TNNI3K: variants seen among roughly 807,000 people sequenced by gnomAD.
The protein encoded by TNNI3K is TNNI3 interacting kinase.
In TNNI3K, 140 loss-of-function variants were observed where a neutral mutation model predicts 114.5. The ratio of observed to expected loss-of-function variants is 1.22; its 90% confidence interval spans 1.07 to 1.41. The LOEUF (loss-of-function observed/expected upper bound fraction) is 1.41, where lower values mean the gene tolerates loss of function less well. Among genes scored for constraint, TNNI3K ranks in the 40% most tolerant of loss-of-function variants. The pLI, the probability that TNNI3K is intolerant of heterozygous loss-of-function variation, is 0.00. For missense variants in TNNI3K, 1,125 were observed against 1,007.6 expected (o/e 1.12, Z -1.58); for synonymous variants, 347 against 347.5 (o/e 1.00, Z 0.02).
At position 74,381,668 on chromosome 1, in the gene TNNI3K, T is replaced by C. The variant is rs532589735; in HGVS notation, c.1772+11276T>C. 6.0e-4 allele frequency among the ~76,000 whole-genome samples: 92 copies of C among 152,192 alleles called. 1 individual carries two copies. Among genetic ancestry groups the C allele is most frequent in the Middle Eastern group, 3.4e-3 (1 of 294 alleles). On this transcript the variant is annotated intron_variant, in intron 17 of 24. Coordinates refer to ENST00000326637, the MANE Select transcript of TNNI3K (RefSeq NM_015978.3). ...TGCCTTCATTAAGACCTCTCACTCC[T>C]TCTTGGTTCGAACTTGAATCAGGGA...
intron 17 of TNNI3K, among the ~76,000 whole-genome samples, chr1:74,429,903 G>A (rs112941332): frequency 6.6e-6 from 1 of 152,132 alleles, no homozygotes; most frequent in Non-Finnish European, 1.5e-5. Flanking sequence ...AGCCTGGGAA[G>A]CATTGCAGTT....
chr1:74,456,796 G>C (rs1667245089), intron 20 of TNNI3K, among the ~76,000 whole-genome samples: 1 of 152,134 alleles, frequency 6.6e-6, no homozygotes, highest in Admixed American at 6.6e-5. Context: ...TTTCTAGGCA[G>C]GTTTTGGTGA....
chr1:74,398,715 G>C (rs537405987), intron 17 of TNNI3K, among the ~76,000 whole-genome samples: 76 of 152,224 alleles, frequency 5.0e-4, no homozygotes, highest in African/African-American at 1.8e-3. Flanking sequence ...TGATTCAGAC[G>C]ATGGGAGCCA....
In TNNI3K at chr1:74,368,565, T is replaced by C. The variant is rs116361287; in HGVS notation, c.1322-457T>C. On this transcript the variant is annotated intron_variant, in intron 13 of 24. Coordinates refer to ENST00000326637, the MANE Select transcript of TNNI3K (RefSeq NM_015978.3). ...TAGTTTATGGATATTTGGCTAAGCCTATTGGAATAGACTGAAGAGAGTTAC... is the reference window on the plus strand; with the variant it reads ...TAGTTTATGGATATTTGGCTAAGCCCATTGGAATAGACTGAAGAGAGTTAC... 4.9e-3 allele frequency among the ~76,000 whole-genome samples: 741 copies of C among 152,028 alleles called. 9 individuals carry two copies. The highest frequency in any genetic ancestry group is 0.017 in the African/African-American group (707 of 41,526).
chr1:74,492,502 T>C (rs1669132919), intron 23 of TNNI3K, among the ~76,000 whole-genome samples: 1 of 152,182 alleles, frequency 6.6e-6, no homozygotes, highest in South Asian at 2.1e-4. Flanking sequence ...GTAAGACACG[T>C]CTATTTCAGA....
intron 5 of TNNI3K, among the ~76,000 whole-genome samples, chr1:74,273,482 T>C (rs563721862): frequency 1.3e-5 from 2 of 152,080 alleles, no homozygotes; most frequent in East Asian, 3.9e-4. Context: ...ATGATCAACC[T>C]CTTAATGCCA....
intron 20 of TNNI3K, among the ~76,000 whole-genome samples, chr1:74,460,125 G>C (rs944596371): frequency 6.6e-6 from 1 of 151,478 alleles, no homozygotes; most frequent in Admixed American, 6.6e-5. Context: ...GCCCAGGCTG[G>C]AGTGCAGTGG....
At chr1:74,511,894 C>T (rs990157783) in intron 23 of TNNI3K, among the ~76,000 whole-genome samples, 11 of 152,114 alleles carry the variant, frequency 7.2e-5, no homozygotes, top group African/African-American at 2.7e-4. Flanking sequence ...CATTTGGGAA[C>T]AGCAAAGGGT....
chr1:74,353,821 C>T (rs1029247313), intron 10 of TNNI3K, among the ~76,000 whole-genome samples, 159 bp from the exon 11 acceptor site: 3 of 152,090 alleles, frequency 2.0e-5, no homozygotes, highest in Admixed American at 1.3e-4. Context: ...AGTGATGTCT[C>T]GTTTGGTCAA....
At chr1:74,297,378 T>G (rs1203833068) in intron 5 of TNNI3K, among the ~76,000 whole-genome samples, 3 of 152,096 alleles carry the variant, frequency 2.0e-5, no homozygotes, top group African/African-American at 7.2e-5. Context: ...GACCGTAAGA[T>G]CATAGTAGTG....
intron 4 of TNNI3K, among the ~76,000 whole-genome samples, chr1:74,261,377 T>C (rs1655664567): frequency 6.6e-6 from 1 of 152,102 alleles, no homozygotes; most frequent in Non-Finnish European, 1.5e-5. Context: ...CTAGCTGATA[T>C]ATGAACTGAA....
chr1:74,395,180 CTTG>C (rs1664015056), intron 17 of TNNI3K, among the ~76,000 whole-genome samples: 1 of 152,104 alleles, frequency 6.6e-6, no homozygotes, highest in Non-Finnish European at 1.5e-5. Context: ...GGATAAATTG[CTTG>C]TTGTAACCAT....
chr1:74,349,630 T>C (rs1319672365), intron 9 of TNNI3K, among the ~76,000 whole-genome samples: 1 of 152,232 alleles, frequency 6.6e-6, no homozygotes, highest in Admixed American at 6.5e-5. Flanking sequence ...AAGCTATTGA[T>C]TATTGCCTCA....
At chr1:74,379,337 AC>A (rs1557531925) in intron 17 of TNNI3K, among the ~76,000 whole-genome samples, 2 of 2,366 alleles carry the variant, frequency 8.5e-4, no homozygotes, top group East Asian at 0.33. Flanking sequence ...ACACGCGCGC[AC>A]ACACACACAC....
chr1:74,289,357 A>C (rs2100281498), intron 5 of TNNI3K, among the ~76,000 whole-genome samples: 1 of 152,062 alleles, frequency 6.6e-6, no homozygotes, highest in African/African-American at 2.4e-5. Context: ...ATATCTTTTG[A>C]CCATTTAAAG....
chr1:74,512,233 A>G (rs150550408), intron 23 of TNNI3K, among the ~76,000 whole-genome samples: 1 of 152,330 alleles, frequency 6.6e-6, no homozygotes, highest in Non-Finnish European at 1.5e-5. Flanking sequence ...TACAGACTCA[A>G]ACATGGAGCT....
In TNNI3K at chr1:74,237,362, T is replaced by C. The variant is rs1468671977; in HGVS notation, c.149+1152T>C. ...TGTTAGTACAGTAGAATTATAAATA[T>C]GTATTTGTTTTGTTGGAAAAGTATG... On this transcript the variant is annotated intron_variant, in intron 2 of 24. Transcript: ENST00000326637. Among the ~76,000 whole-genome samples the C allele has an allele frequency of 3.3e-5, 5 of 152,132 alleles. No homozygotes were observed. The East Asian group carries it at 7.7e-4, about 23-fold the overall frequency.
At chr1:74,452,128 A>T (rs1667053330) in intron 20 of TNNI3K, among the ~76,000 whole-genome samples, 1 of 152,118 alleles carries the variant, frequency 6.6e-6, no homozygotes, top group Non-Finnish European at 1.5e-5. Flanking sequence ...CTCTCACATT[A>T]CTAACATCAG....
intron 17 of TNNI3K, chr1:74,416,562 C>T (rs1665124069): frequency 1.0e-6 from 1 of 985,174 alleles, no homozygotes; most frequent in Non-Finnish European, 1.2e-6. Flanking sequence ...ACTTTGCATT[C>T]CCCTGATAAA....
Sources: allele counts gnomAD v4.1 joint callset (sites outside exome capture counted in the v4.1 genomes callset), GRCh38; gene constraint gnomAD v4.1.1; transcripts MANE v1.5; gene names NCBI Gene and HGNC (gene_info 2026-07-23, HGNC 2026-07-21).